The following TTN variants were observed in gnomAD, a reference collection of about 807,000 sequenced individuals.
TTN encodes the protein titin.
Under a neutral mutation model 3,223.0 loss-of-function variants are expected in TTN, and 1,525 were observed. That is an observed-to-expected ratio of 0.47 (90% CI 0.45 to 0.49). The LOEUF is 0.49. Ranked by LOEUF, TTN falls within the 20% of genes least tolerant of loss-of-function variation. TTN has a pLI of 0.00. For missense variants in TTN, 40,786 were observed against 43,424.0 expected (o/e 0.94, Z 5.40); for synonymous variants, 14,094 against 15,161.0 (o/e 0.93, Z 5.17).
In TTN at chr2:178,685,088, A is replaced by G. The variant is rs548436479; in HGVS notation, c.32471-99T>C. ...CACTTTTTGAAAAGATTGCACATATATACAAACGTTAATGACTATACTCAG... is the reference window on the plus strand; with the variant it reads ...CACTTTTTGAAAAGATTGCACATATGTACAAACGTTAATGACTATACTCAG... On this transcript the variant is annotated intron_variant, in intron 129 of 362. Coordinates refer to ENST00000589042, the MANE Select transcript of TTN (RefSeq NM_001267550.2). 1.3e-5 allele frequency: 16 copies of G among 1,193,326 alleles called. No individual in the cohort carries two copies. In the East Asian group the frequency reaches 3.8e-4, roughly 28 times the overall value. 73.9% of individuals were successfully genotyped at this position (1,193,326 alleles called of 1,614,324 possible). A position where few individuals can be genotyped will look rare whatever the true frequency, so the allele number is the denominator to read the frequency against.
chr2:178,618,797 G>A lies in TTN; in HGVS notation c.46753C>T (p.Leu15585=). The change falls in exon 251 of 363, where the codon CTG becomes TTG. Residue 15585 remains leucine (L), a synonymous_variant. Coordinates refer to ENST00000589042, the MANE Select transcript of TTN (RefSeq NM_001267550.2). ...QDLVVDVGKP[L]TMVVPYDAYP... Reference sequence around the variant, plus strand: ...GCATCATATGGCACCACCATTGTCAGAGGCTTGCCAACATCAACCACAAGG... The same window carrying A: ...GCATCATATGGCACCACCATTGTCAAAGGCTTGCCAACATCAACCACAAGG... 2 of 1,611,186 alleles carry A rather than the reference G, an allele frequency of 1.2e-6. No homozygotes were observed. The highest frequency in any genetic ancestry group is 1.7e-6 in the Non-Finnish European group (2 of 1,178,694).
At chr2:178,763,850 T>C (rs1353913986) in intron 43 of TTN, among the ~76,000 whole-genome samples, 4 of 152,234 alleles carry the variant, frequency 2.6e-5, no homozygotes, top group African/African-American at 9.6e-5. Flanking sequence ...AGTTTTGTCA[T>C]TGTATTTTAT....
chr2:178,572,698 T>G lies in TTN; in HGVS notation c.73434A>C (p.Thr24478=). The G allele has an allele frequency of 6.2e-7, 1 of 1,613,476 alleles. No homozygotes were observed. Among genetic ancestry groups the G allele is most frequent in the Non-Finnish European group, 8.5e-7 (1 of 1,179,576 alleles). Reference sequence around the variant, plus strand: ...CAACAATAAGCAGGGTGTAAGAGCTTGTGGATTCGATGCTAGCTTTATCTA... The same window carrying G: ...CAACAATAAGCAGGGTGTAAGAGCTGGTGGATTCGATGCTAGCTTTATCTA... ...ESLDKASIES[T]SSYTLLIVGN... The change falls in exon 326 of 363, where the codon ACA becomes ACC. Residue 24478 remains threonine, a synonymous_variant. Coordinates refer to ENST00000589042, the MANE Select transcript of TTN (RefSeq NM_001267550.2).
At chr2:178,619,327 C>G (rs1864243) in intron 250 of TTN, 2 of 461,382 alleles carry the variant, frequency 4.3e-6, no homozygotes, top group African/African-American at 2.0e-5. Context: ...AGTATAAGAC[C>G]GTCTTTAGAT....
In TTN at chr2:178,731,499, G is replaced by C. The variant is rs367634185; in HGVS notation, c.17267C>G (p.Ser5756Cys). ...TAGCCAAGTCACCGTAATTGGCAAG[G>C]AGCCCTTCAGAGTGGCCTGGAAGGC... ...TAAFQATLKG[S>C]LPITVTWLKD... The change falls in exon 59 of 363, where the codon TCC (serine) becomes TGC (cysteine). Residue 5756 changes from serine to cysteine, a missense_variant. Coordinates refer to ENST00000589042, the MANE Select transcript of TTN (RefSeq NM_001267550.2). 1 of 1,613,452 alleles carries C rather than the reference G, an allele frequency of 6.2e-7. No homozygotes were observed. Among genetic ancestry groups the C allele is most frequent in the African/African-American group, 1.3e-5 (1 of 74,908 alleles).
chr2:178,745,243 T>G (rs2083270240), intron 47 of TTN: 1 of 1,106,502 alleles, frequency 9.0e-7, no homozygotes, highest in Admixed American at 4.3e-5. Context: ...ATATATGGTT[T>G]ATCTGCTAAA....
At position 178,579,476 on chromosome 2, in the gene TTN, T is replaced by A; in HGVS notation, c.67637-83A>T. 7 of 1,570,718 alleles carry A rather than the reference T, an allele frequency of 4.5e-6. No individual in the cohort carries two copies. In the South Asian group the frequency reaches 7.1e-5, roughly 16 times the overall value. The stretch of plus-strand genomic sequence containing the variant: ...CAAATAGTTCTAGCTTTTAACGGAT[T>A]TTTAGATAAGCTAGTGAGTGGGACA... On this transcript the variant is annotated intron_variant, in intron 319 of 362. Transcript: ENST00000589042.
chr2:178,690,440 T>C (rs1269054109), intron 121 of TTN, among the ~76,000 whole-genome samples: 2 of 152,188 alleles, frequency 1.3e-5, no homozygotes, highest in African/African-American at 2.4e-5. Flanking sequence ...CTCAATCTGA[T>C]ACCCATGTGT....
Position 178,539,663 on chromosome 2 carries a change from C to T in TTN, c.98402G>A (p.Gly32801Glu). Reference sequence around the variant, plus strand: ...TTGGATGTCATCATATTCCAGTGGCCCTTCTGGACTGTTGGGACTTCCTAT... The same window carrying T: ...TTGGATGTCATCATATTCCAGTGGCTCTTCTGGACTGTTGGGACTTCCTAT... ...RVIGSPNSPE[G>E]PLEYDDIQVR... The change falls in exon 352 of 363, where the codon GGG becomes GAG. Residue 32801 changes from glycine (G) to glutamate (E), a missense_variant. By Grantham distance (98) the Gly-to-Glu change is moderately conservative. Coordinates refer to ENST00000589042, the MANE Select transcript of TTN (RefSeq NM_001267550.2). The T allele has an allele frequency of 1.2e-6, 2 of 1,613,654 alleles. No homozygotes were observed. Among genetic ancestry groups the T allele is most frequent in the South Asian group, 2.2e-5 (2 of 91,072 alleles).
Position 178,684,329 on chromosome 2 carries a change from C to A in TTN, c.32722+1G>T. 6.2e-7 allele frequency: 1 copy of A among 1,612,976 alleles called. No individual in the cohort carries two copies. The highest frequency in any genetic ancestry group is 1.1e-5 in the South Asian group (1 of 90,918). On this transcript the variant is annotated splice_donor_variant, in intron 132 of 362. Transcript: ENST00000589042. LOFTEE classifies it high-confidence loss of function. ...TGTGCATAATGGAAGGGCGGATGTA[C>A]CTCTTGCTTTTGGAGGCGCCTCTTT... is the stretch of plus-strand genomic sequence containing the variant.
intron 47 of TTN, chr2:178,746,854 A>G: frequency 6.2e-7 from 1 of 1,613,420 alleles, no homozygotes; most frequent in Non-Finnish European, 8.5e-7. Context: ...TAAAAGATGG[A>G]GGCATTTCAT....
chr2:178,638,742 T>C (rs1348729456), intron 223 of TTN, among the ~76,000 whole-genome samples: 2 of 151,982 alleles, frequency 1.3e-5, no homozygotes, highest in Non-Finnish European at 2.9e-5. Context: ...TTAAATTTAC[T>C]TTGTTTTATT....
At chr2:178,744,281 CT>C (rs1280385490) in intron 47 of TTN, 2 of 744,736 alleles carry the variant, frequency 2.7e-6, no homozygotes, top group Non-Finnish European at 3.3e-6. Context: ...TTCTCTCGTC[CT>C]TTGTTACAAA....
rs1354298331 is a variant in TTN at position 178,712,135 on chromosome 2, G to A, written c.27695C>T (p.Pro9232Leu). 6.2e-7 allele frequency: 1 copy of A among 1,613,770 alleles called. No individual in the cohort carries two copies. The highest frequency in any genetic ancestry group is 1.7e-5 in the Admixed American group (1 of 59,984). Residue 9232 changes from proline to leucine, a missense_variant, in exon 96 of 363, where the codon CCT (proline) becomes CTT (leucine). Coordinates refer to ENST00000589042, the MANE Select transcript of TTN (RefSeq NM_001267550.2). ...TTTATACCAGGATACCCCAATTTCA[G>A]GGGTTCCAGCAAGCTGGCATTGTAG... The part of the protein sequence containing the change: ...ASLQCQLAGT[P>L]EIGVSWYKGD...
rs903888144 is a variant in TTN, at chr2:178,570,745, G to C, written c.75387C>G (p.Phe25129Leu). The C allele has an allele frequency of 2.5e-6, 4 of 1,613,388 alleles. No homozygotes were observed. The highest frequency in any genetic ancestry group is 3.4e-6 in the Non-Finnish European group (4 of 1,179,600). The stretch of plus-strand genomic sequence containing the variant: ...TGCCATAAATATCTGCATCAACCTT[G>C]AATGATTCACCAGCATGAACCACGA... Reference protein sequence around the residue: ...DTIVVHAGESFKVDADIYGKP... With the variant: ...DTIVVHAGESLKVDADIYGKP... The change falls in exon 326 of 363, where the codon TTC (phenylalanine) becomes TTG (leucine). Residue 25129 changes from phenylalanine to leucine, a missense_variant. Phe to Leu is a conservative substitution (Grantham distance 22). Coordinates refer to ENST00000589042, the MANE Select transcript of TTN (RefSeq NM_001267550.2).
At position 178,652,946 on chromosome 2, in the gene TTN, G is replaced by C. The variant is rs763136369; in HGVS notation, c.38876-15C>G. On this transcript the variant is annotated splice_polypyrimidine_tract_variant and intron_variant, in intron 199 of 362. Coordinates refer to ENST00000589042, the MANE Select transcript of TTN (RefSeq NM_001267550.2). ...AGCCTCTGGCACTTAAAAGATATTA[G>C]TGAAATTACATTTAGAAGTTTGAAG... The C allele has an allele frequency of 6.2e-6, 10 of 1,603,832 alleles. No homozygotes were observed. The East Asian group carries it at 1.8e-4, about 29-fold the overall frequency.
rs777937232 is a variant in TTN at position 178,649,828 on chromosome 2, G to A, written c.39884C>T (p.Pro13295Leu). The A allele has an allele frequency of 2.5e-6, 4 of 1,612,266 alleles. No individual in the cohort carries two copies. Among genetic ancestry groups the A allele is most frequent in the African/African-American group, 1.3e-5 (1 of 74,852 alleles). The change falls in exon 211 of 363, where the codon CCG (proline) becomes CTG (leucine). Residue 13295 changes from proline to leucine, a missense_variant. Transcript: ENST00000589042. ...TTTAACATGAGTACCTTTAGGAGGC[G>A]GTGCTTCTGGTTTTTTGATGACAGG... ...KVPVIKKPEA[P>L]PPKEPEMPKK...
Position 178,612,422 on chromosome 2 carries a change from C to G in TTN, c.50103G>C (p.Val16701=). The G allele has an allele frequency of 1.2e-6, 2 of 1,612,504 alleles. No individual in the cohort carries two copies. The highest frequency in any genetic ancestry group is 1.7e-6 in the Non-Finnish European group (2 of 1,179,194). Residue 16701 remains valine, a synonymous_variant, in exon 266 of 363, where the codon GTG becomes GTC. Coordinates refer to ENST00000589042, the MANE Select transcript of TTN (RefSeq NM_001267550.2). The stretch of plus-strand genomic sequence containing the variant: ...ACTTGGTGTCCTTGACAGTGGTATC[C>G]ACTGTTTGCCAGCCTTTTCGCCTGA... ...RDVRRKGWQT[V]DTTVKDTKCT... is the part of the protein sequence containing the mutation.
intron 129 of TTN, 22 bp downstream of exon 129, chr2:178,685,231 A>T: frequency 6.6e-7 from 1 of 1,517,586 alleles, no homozygotes; most frequent in South Asian, 1.3e-5. Context: ...ATAGTGTTGC[A>T]TTTCTTTGAA....
Sources: allele counts gnomAD v4.1 joint callset (sites outside exome capture counted in the v4.1 genomes callset), GRCh38; gene constraint gnomAD v4.1.1; transcripts MANE v1.5; gene names NCBI Gene and HGNC (gene_info 2026-07-23, HGNC 2026-07-21).